Variants in GRAMD1C observed in about 807,000 individuals in gnomAD.
GRAMD1C encodes protein Aster-C.
In GRAMD1C, 89 loss-of-function variants were observed where a neutral mutation model predicts 97.8. That is an observed-to-expected ratio of 0.91 (90% CI 0.77 to 1.09). The LOEUF (loss-of-function observed/expected upper bound fraction) is 1.09. Ranked by LOEUF, GRAMD1C falls within the 50% of genes least tolerant of loss-of-function variation. The pLI, the probability that GRAMD1C is intolerant of heterozygous loss-of-function variation, is 0.00. For missense variants in GRAMD1C, 740 were observed against 766.4 expected, an observed-to-expected ratio of 0.97 and a Z score of 0.41; for synonymous variants, 256 against 267.0, an observed-to-expected ratio of 0.96 and a Z score of 0.40.
At chr3:113,862,046 A>T (rs1934397724) in intron 2 of GRAMD1C, among the ~76,000 whole-genome samples, 2 of 152,194 alleles carry the variant, frequency 1.3e-5, no homozygotes. Flanking sequence ...CACATGCTTC[A>T]CAAGGTAATA....
chr3:113,833,675 A>G (rs1213228779), intron 1 of GRAMD1C, among the ~76,000 whole-genome samples: 1 of 152,182 alleles, frequency 6.6e-6, no homozygotes, highest in Non-Finnish European at 1.5e-5. Flanking sequence ...GGGCTATTGT[A>G]GAGTAGGGGA....
At chr3:113,897,803 T>G (rs986306157) in intron 6 of GRAMD1C, 1 of 976,264 alleles carries the variant, frequency 1.0e-6, no homozygotes, top group African/African-American at 1.8e-5. Flanking sequence ...GAGACTCTCC[T>G]TGGTTTGCAG....
intron 2 of GRAMD1C, among the ~76,000 whole-genome samples, chr3:113,847,485 T>C (rs116108774): frequency 0.015 from 2,359 of 152,300 alleles, 63 homozygotes; most frequent in African/African-American, 0.054. Flanking sequence ...CTAAATTGGC[T>C]CTAAATAGTA....
rs145722654 is a variant in GRAMD1C, at chr3:113,903,969, C to G, written c.657-171C>G. ...TGTTTTCAGAAATGATATCAACTTGCATGTAATTTAAGAAGATAGCCTTGT... is the reference window on the plus strand; with the variant it reads ...TGTTTTCAGAAATGATATCAACTTGGATGTAATTTAAGAAGATAGCCTTGT... On this transcript the variant is annotated intron_variant, in intron 7 of 17. Coordinates refer to ENST00000358160, the MANE Select transcript of GRAMD1C (RefSeq NM_017577.5). Among the ~76,000 whole-genome samples, 162 of 152,170 alleles carry G rather than the reference C, an allele frequency of 1.1e-3. 1 individual carries two copies. The highest frequency in any genetic ancestry group is 3.8e-3 in the African/African-American group (157 of 41,530).
upstream of GRAMD1C, among the ~76,000 whole-genome samples, chr3:113,833,980 T>C (rs1709598281): frequency 6.6e-6 from 1 of 152,224 alleles, no homozygotes; most frequent in South Asian, 2.1e-4. Context: ...TTGTCATTTA[T>C]TTAACCAGTC....
intron 2 of GRAMD1C, among the ~76,000 whole-genome samples, chr3:113,850,002 T>TGACCCCCCCACCTCCCTCCCGGACGGGGG (rs1933818015): frequency 1.9e-5 from 2 of 103,970 alleles, no homozygotes; most frequent in African/African-American, 4.5e-5. Context: ...CCGGACGGGG[T>TGACCCCCCCACCTCCCTCCCGGACGGGGG]GGCTGGCCGG....
intron 17 of GRAMD1C, among the ~76,000 whole-genome samples, chr3:113,941,552 G>A (rs552822754): frequency 3.9e-4 from 59 of 150,720 alleles, no homozygotes; most frequent in South Asian, 1.5e-3. Context: ...TTCAGTTTTC[G>A]CTAACAAATT....
chr3:113,916,336 A>C (rs1385256525), intron 10 of GRAMD1C, among the ~76,000 whole-genome samples: 1 of 152,204 alleles, frequency 6.6e-6, no homozygotes, highest in African/African-American at 2.4e-5. Flanking sequence ...ATGGTCCCAA[A>C]CTCAAAACAG....
chr3:113,912,265 C>T (rs1225366699), intron 9 of GRAMD1C, among the ~76,000 whole-genome samples: 1 of 152,092 alleles, frequency 6.6e-6, no homozygotes, highest in African/African-American at 2.4e-5. Context: ...TAATACCCAG[C>T]ACACAATAAT....
intron 10 of GRAMD1C, among the ~76,000 whole-genome samples, chr3:113,921,226 A>G (rs1409714885): frequency 6.6e-6 from 1 of 152,220 alleles, no homozygotes; most frequent in Non-Finnish European, 1.5e-5. Flanking sequence ...ACATGTTGCT[A>G]CAAAGGGCAT....
intron 6 of GRAMD1C, chr3:113,885,312 G>A (rs1577163212): frequency 6.3e-7 from 1 of 1,575,946 alleles, no homozygotes; most frequent in African/African-American, 1.3e-5. Context: ...TGCGGACGCA[G>A]TGTCTGCTGG....
rs143070708 is a variant in GRAMD1C at position 113,943,415 on chromosome 3, A to C, written c.1909-1983A>C. 4.7e-3 allele frequency among the ~76,000 whole-genome samples: 718 copies of C among 152,302 alleles called. 5 individuals carry two copies. Among genetic ancestry groups the C allele is most frequent in the African/African-American group, 0.017 (687 of 41,568 alleles). On this transcript the variant is annotated intron_variant, in intron 17 of 17. Coordinates refer to ENST00000358160, the MANE Select transcript of GRAMD1C (RefSeq NM_017577.5). Reference sequence around the variant, plus strand: ...CACTATCTAATTCCAGAGCATTTTCATAACCCCACAAGAAAATCTGTACAC... The same window carrying C: ...CACTATCTAATTCCAGAGCATTTTCCTAACCCCACAAGAAAATCTGTACAC...
intron 2 of GRAMD1C, among the ~76,000 whole-genome samples, chr3:113,866,462 A>G (rs1257786614): frequency 6.6e-6 from 1 of 152,102 alleles, no homozygotes; most frequent in Non-Finnish European, 1.5e-5. Flanking sequence ...TGTAGACAAA[A>G]TATAGTTGGT....
chr3:113,885,397 A>G, intron 6 of GRAMD1C: 2 of 1,580,246 alleles, frequency 1.3e-6, no homozygotes, highest in Non-Finnish European at 1.7e-6. Context: ...GCAGATCCGC[A>G]CGGTAATTCA....
chr3:113,931,815 A>G (rs890854074), intron 11 of GRAMD1C, among the ~76,000 whole-genome samples: 1 of 151,880 alleles, frequency 6.6e-6, no homozygotes, highest in Non-Finnish European at 1.5e-5. Flanking sequence ...GGTCTCACCT[A>G]CTCAGGAGGC....
intron 14 of GRAMD1C, 80 bp from the exon 15 acceptor site, chr3:113,938,005 CA>C (rs5851908): frequency 0.11 from 53,881 of 500,936 alleles, 2 homozygotes; most frequent in Middle Eastern, 0.13. Flanking sequence ...AACTCCTTCT[CA>C]AAAAAAAAAA....
chr3:113,877,719 G>A (rs890924929), intron 5 of GRAMD1C, among the ~76,000 whole-genome samples: 1 of 151,838 alleles, frequency 6.6e-6, no homozygotes, highest in African/African-American at 2.4e-5. Context: ...TTCGATTAAG[G>A]TGGTGTCTGC....
At chr3:113,858,693 C>T (rs1934251578) in intron 2 of GRAMD1C, among the ~76,000 whole-genome samples, 1 of 152,058 alleles carries the variant, frequency 6.6e-6, no homozygotes, top group Non-Finnish European at 1.5e-5. Context: ...TGCACCTGGC[C>T]TCCCAGCTAC....
intron 9 of GRAMD1C, among the ~76,000 whole-genome samples, chr3:113,912,491 C>G (rs531527767): frequency 6.6e-6 from 1 of 152,226 alleles, no homozygotes; most frequent in East Asian, 1.9e-4. Context: ...TGCCCGTAAT[C>G]CCAGTACTTG....
Sources: allele counts gnomAD v4.1 joint callset (sites outside exome capture counted in the v4.1 genomes callset), GRCh38; gene constraint gnomAD v4.1.1; transcripts MANE v1.5; gene names NCBI Gene and HGNC (gene_info 2026-07-23, HGNC 2026-07-21).